Variants in UGGT1 observed in about 807,000 individuals in gnomAD.
UGGT1 encodes the protein UDP-glucose:glycoprotein glucosyltransferase 1.
In UGGT1, 107 loss-of-function variants were observed where a neutral mutation model predicts 203.9. The observed-to-expected ratio is 0.52, with a 90% CI of 0.45 to 0.62. The LOEUF (loss-of-function observed/expected upper bound fraction) is 0.62. UGGT1 is among the 20% of genes least tolerant of loss of function. The probability of loss-of-function intolerance (pLI) is 0.00; values close to 1 mark genes in which losing one functional copy is unlikely to be tolerated. For synonymous variants in UGGT1, 628 were observed against 653.5 expected (o/e 0.96, Z 0.59); for missense variants, 1,673 against 1,867.2 (o/e 0.90, Z 1.92).
At chr2:128,146,423 G>T (rs1270195220) in intron 18 of UGGT1, among the ~76,000 whole-genome samples, 1 of 152,042 alleles carries the variant, frequency 6.6e-6, no homozygotes, top group African/African-American at 2.4e-5. Flanking sequence ...TCTATATATG[G>T]TAATTTAAAT....
At position 128,151,735 on chromosome 2, in the gene UGGT1, G is replaced by A. The variant is rs150842404; in HGVS notation, c.2017-1049G>A. 4.9e-3 allele frequency among the ~76,000 whole-genome samples: 753 copies of A among 152,278 alleles called. 8 individuals are homozygous for A. The highest frequency in any genetic ancestry group is 0.017 in the African/African-American group (712 of 41,556). ...AAAATACAAAAATTAGCTGGGTGTG[G>A]TGGCACATGCCTGTAGTCCCAGCTA... On this transcript the variant is annotated intron_variant, in intron 18 of 40. Transcript: ENST00000259253.
intron 10 of UGGT1, among the ~76,000 whole-genome samples, chr2:128,122,017 T>A (rs561544216): frequency 1.3e-5 from 2 of 152,204 alleles, no homozygotes; most frequent in African/African-American, 4.8e-5. Context: ...TATTGAATCT[T>A]GAAGAAACTG....
At position 128,177,569 on chromosome 2, in the gene UGGT1, CT is replaced by C. The variant is rs528107797; in HGVS notation, c.3625-262del. 1.8e-3 allele frequency among the ~76,000 whole-genome samples: 275 copies of C among 152,294 alleles called. 1 individual carries two copies. Among genetic ancestry groups the C allele is most frequent in the Admixed American group, 5.1e-3 (78 of 15,300 alleles). ...TTTCACTGCACAGTTGAGTTTGCGGCTCTTTGCCTATGTTGCAAGCTGAAAA... is the reference window on the plus strand; with the variant it reads ...TTTCACTGCACAGTTGAGTTTGCGGCCTTTGCCTATGTTGCAAGCTGAAAA... On this transcript the variant is annotated intron_variant, in intron 32 of 40. Coordinates refer to ENST00000259253, the MANE Select transcript of UGGT1 (RefSeq NM_020120.4).
In UGGT1 at chr2:128,156,382, C is replaced by T. The variant is rs999367987; in HGVS notation, c.2237-10C>T. 2 of 1,587,634 alleles carry T rather than the reference C, an allele frequency of 1.3e-6. No homozygotes were observed. Among genetic ancestry groups the T allele is most frequent in the Admixed American group, 1.7e-5 (1 of 59,312 alleles). On this transcript the variant is annotated splice_polypyrimidine_tract_variant and intron_variant, in intron 20 of 40. Coordinates refer to ENST00000259253, the MANE Select transcript of UGGT1 (RefSeq NM_020120.4). ...TTTTTTTCTACTCTTTTCTCTTTAC[C>T]TTTGTTCAGGAATGTCCTCCAAGGA...
chr2:128,194,339 T>G lies in UGGT1; in HGVS notation c.*4597T>G, dbSNP rs1402987458. 6.6e-6 allele frequency: 1 copy of G among 151,900 alleles called. No homozygotes were observed. Among genetic ancestry groups the G allele is most frequent in the Admixed American group, 6.6e-5 (1 of 15,224 alleles). The allele number at this position is 151,900 out of a possible 1,614,324, so 9.4% of individuals were successfully genotyped here. A position where few individuals can be genotyped will look rare whatever the true frequency, so the allele number is the denominator to read the frequency against. On this transcript the variant is annotated 3_prime_UTR_variant, in exon 41 of 41. Transcript: ENST00000259253. ...TGGAGTGCAGTGGCACAATCTCAGCTCACTGCAGCCTCTGCCTCCCGGGTT... is the reference window on the plus strand; with the variant it reads ...TGGAGTGCAGTGGCACAATCTCAGCGCACTGCAGCCTCTGCCTCCCGGGTT...
chr2:128,189,862 T>G lies in UGGT1; in HGVS notation c.*120T>G. 1 of 1,104,876 alleles carries G rather than the reference T, an allele frequency of 9.1e-7. No individual in the cohort carries two copies. The highest frequency in any genetic ancestry group is 1.3e-6 in the Non-Finnish European group (1 of 755,436). The allele number at this position is 1,104,876 out of a possible 1,614,324, so 68.4% of individuals were successfully genotyped here. ...CCGGCTGGGCAGGAGTGCCACACCTTTTGATTCTGAGCATTTGATTCTGAC... is the reference window on the plus strand; with the variant it reads ...CCGGCTGGGCAGGAGTGCCACACCTGTTGATTCTGAGCATTTGATTCTGAC... On this transcript the variant is annotated 3_prime_UTR_variant, in exon 41 of 41. Coordinates refer to ENST00000259253, the MANE Select transcript of UGGT1 (RefSeq NM_020120.4).
At position 128,128,404 on chromosome 2, in the gene UGGT1, C is replaced by T. The variant is rs1028831550; in HGVS notation, c.1227-625C>T. ...TTGGCTCACTGCAACCTCTGCCTCC[C>T]GGGTTCAAGAGATTCTCCTGCCTCA... On this transcript the variant is annotated intron_variant, in intron 12 of 40. Transcript: ENST00000259253. Among the ~76,000 whole-genome samples, 4 of 151,896 alleles carry T rather than the reference C, an allele frequency of 2.6e-5. No homozygotes were observed. The East Asian group carries it at 5.8e-4, about 22-fold the overall frequency.
Position 128,113,109 on chromosome 2 carries a change from G to A in UGGT1, c.547G>A (p.Asp183Asn), listed in dbSNP as rs1236963054. 6.2e-7 allele frequency: 1 copy of A among 1,600,844 alleles called. No homozygotes were observed. The highest frequency in any genetic ancestry group is 8.5e-7 in the Non-Finnish European group (1 of 1,173,098). The change falls in exon 6 of 41, where the codon GAT becomes AAT. Residue 183 changes from aspartate (D) to asparagine (N), a missense_variant. Physicochemically the swap from Asp to Asn is conservative, Grantham distance 23. Coordinates refer to ENST00000259253, the MANE Select transcript of UGGT1 (RefSeq NM_020120.4). ...ERPKPLLFKG[D>N]HRYPSSNPES... ...ACCCAAACCTTTATTGTTCAAAGGA[G>A]ATCACAGATATCCCTCGTCTAATCC...
In UGGT1 at chr2:128,173,905, C is replaced by A; in HGVS notation, c.3419C>A (p.Pro1140Gln). The A allele has an allele frequency of 6.2e-7, 1 of 1,614,120 alleles. No homozygotes were observed. The highest frequency in any genetic ancestry group is 2.2e-5 in the East Asian group (1 of 44,884). The change falls in exon 30 of 41, where the codon CCG becomes CAG. Residue 1140 changes from proline (P) to glutamine (Q), a missense_variant. Transcript: ENST00000259253. ...TTTACCTTAGGAACTTCAGCCAACC[C>A]GGTCATTGTGGACACCATTGTTATG... is the stretch of plus-strand genomic sequence containing the variant. The part of the protein sequence containing the change: ...LQFTLGTSAN[P>Q]VIVDTIVMAN...
chr2:128,100,255 G>A (rs1687314688), intron 2 of UGGT1, among the ~76,000 whole-genome samples: 1 of 152,078 alleles, frequency 6.6e-6, no homozygotes, highest in African/African-American at 2.4e-5. Flanking sequence ...CGCCAGGCTG[G>A]TCTGAACTCC....
At chr2:128,169,457 C>T (rs1451553988) in intron 26 of UGGT1, among the ~76,000 whole-genome samples, 1 of 152,136 alleles carries the variant, frequency 6.6e-6, no homozygotes, top group African/African-American at 2.4e-5. Flanking sequence ...TATTTTTTGG[C>T]CTTGTAAATT....
rs145860116 is a variant in UGGT1 at position 128,187,512 on chromosome 2, C to G, written c.4540C>G (p.Gln1514Glu). 3.1e-6 allele frequency: 5 copies of G among 1,614,000 alleles called. No homozygotes were observed. The highest frequency in any genetic ancestry group is 4.2e-6 in the Non-Finnish European group (5 of 1,180,026). ...EAAVRIVPEWQDYDQEIKQLQ... is the reference protein window; with the variant it reads ...EAAVRIVPEWEDYDQEIKQLQ... ...AGCTGTGCGGATTGTCCCGGAGTGG[C>G]AGGACTACGACCAAGAGATCAAACA... Residue 1514 changes from glutamine to glutamate, a missense_variant, in exon 40 of 41, where the codon CAG becomes GAG. Physicochemically the swap from Gln to Glu is conservative, Grantham distance 29 (BLOSUM62 2). Coordinates refer to ENST00000259253, the MANE Select transcript of UGGT1 (RefSeq NM_020120.4).
chr2:128,156,274 A>G (rs1690223049), intron 20 of UGGT1, 118 bp from the exon 21 acceptor site: 3 of 775,404 alleles, frequency 3.9e-6, no homozygotes, highest in Non-Finnish European at 6.7e-6. Context: ...GACAGGACTA[A>G]GCAGCAGGAA....
At chr2:128,103,844 C>T (rs1437860772) in intron 2 of UGGT1, 88 bp from the exon 3 acceptor site, 2 of 912,142 alleles carry the variant, frequency 2.2e-6, no homozygotes, top group African/African-American at 3.5e-5. Flanking sequence ...CATTTGGAAA[C>T]TTCAAAACTT....
In UGGT1 at chr2:128,165,706, A is replaced by G. The variant is rs550388221; in HGVS notation, c.2921+881A>G. Among the ~76,000 whole-genome samples, 26 of 152,302 alleles carry G rather than the reference A, an allele frequency of 1.7e-4. 1 individual carries two copies. In the South Asian group the frequency reaches 4.6e-3, roughly 27 times the overall value. On this transcript the variant is annotated intron_variant, in intron 26 of 40. Transcript: ENST00000259253. ...AGCAAGACTCCATCTCAAAATCATA[A>G]TAATAGTAAGATAAACAGATTATTA... is the stretch of plus-strand genomic sequence containing the variant.
intron 38 of UGGT1, among the ~76,000 whole-genome samples, chr2:128,185,701 C>A (rs1691941993): frequency 6.6e-6 from 1 of 151,946 alleles, no homozygotes; most frequent in Non-Finnish European, 1.5e-5. Context: ...TCTTGGAACT[C>A]CCGGGCTCAA....
chr2:128,160,741 A>G (rs967451534), intron 24 of UGGT1, 150 bp downstream of exon 24: 6 of 1,189,936 alleles, frequency 5.0e-6, no homozygotes, highest in East Asian at 5.4e-5. Flanking sequence ...TCTGCCTCCT[A>G]TTTCCAAGGA....
At chr2:128,146,302 C>A (rs1208513219) in intron 18 of UGGT1, among the ~76,000 whole-genome samples, 1 of 151,894 alleles carries the variant, frequency 6.6e-6, no homozygotes, top group Non-Finnish European at 1.5e-5. Flanking sequence ...TGGAGTGAGA[C>A]CCTGTCCCGT....
intron 28 of UGGT1, 66 bp downstream of exon 28, chr2:128,171,350 G>C: frequency 7.1e-7 from 1 of 1,415,798 alleles, no homozygotes; most frequent in South Asian, 1.2e-5. Flanking sequence ...GATATTGCAT[G>C]TTAGAGGATC....
Sources: gnomAD v4.1 joint callset for allele counts (sites outside exome capture counted in the v4.1 genomes callset) on GRCh38, gnomAD v4.1.1 for gene constraint, MANE v1.5 for transcripts, NCBI Gene and HGNC (gene_info 2026-07-23, HGNC 2026-07-21) for gene names.